GLE1: variants seen among roughly 807,000 people sequenced by gnomAD.
GLE1 encodes GLE1 RNA export mediator.
In GLE1, 78 loss-of-function variants were observed where a neutral mutation model predicts 97.3. The ratio of observed to expected loss-of-function variants is 0.80; its 90% CI spans 0.67 to 0.97. The LOEUF is 0.97. Ranked by LOEUF, GLE1 falls within the 50% of genes least tolerant of loss-of-function variation. GLE1 has a pLI of 0.00. For synonymous variants in GLE1, 302 were observed against 313.4 expected (o/e 0.96, Z 0.39); for missense variants, 753 against 857.5 (o/e 0.88, Z 1.52).
chr9:128,529,478 T>C (rs1446487146), intron 9 of GLE1, among the ~76,000 whole-genome samples: 1 of 152,188 alleles, frequency 6.6e-6, no homozygotes, highest in Non-Finnish European at 1.5e-5. Context: ...CTCCTTTTTA[T>C]AGGCTCCTCT....
In GLE1 at chr9:128,522,838, C is replaced by T. The variant is rs926901636; in HGVS notation, c.581+22C>T. On this transcript the variant is annotated intron_variant, in intron 4 of 15. Coordinates refer to ENST00000309971, the MANE Select transcript of GLE1 (RefSeq NM_001003722.2). ...AGAGGTGAGTCTCCCTGAATTATGACTGGGAATGTTGATGTGTTCAACTGG... is the reference window on the plus strand; with the variant it reads ...AGAGGTGAGTCTCCCTGAATTATGATTGGGAATGTTGATGTGTTCAACTGG... 8.7e-6 allele frequency: 14 copies of T among 1,612,842 alleles called. No individual in the cohort carries two copies. The Admixed American group carries it at 1.8e-4, about 21-fold the overall frequency.
chr9:128,533,427 C>CAA (rs5900802), intron 9 of GLE1, 86 bp from the exon 10 acceptor site: 324 of 452,922 alleles, frequency 7.2e-4, no homozygotes, highest in Non-Finnish European at 8.5e-4. Context: ...GATACTGTCT[C>CAA]AAAAAAAAAA....
chr9:128,527,010 G>C (rs970755391), intron 7 of GLE1, among the ~76,000 whole-genome samples, 169 bp from the exon 8 acceptor site: 1 of 152,100 alleles, frequency 6.6e-6, no homozygotes, highest in Admixed American at 6.6e-5. Flanking sequence ...TAACCTTTTT[G>C]TGCCTGTTTC....
In GLE1 at chr9:128,525,501, T is replaced by A; in HGVS notation, c.1129+78T>A. ...AGAAACAAGAGCATGTTTTGAATGT[T>A]GTGTTAAACTGTAGGACAGTTAACC... On this transcript the variant is annotated intron_variant, in intron 7 of 15. Coordinates refer to ENST00000309971, the MANE Select transcript of GLE1 (RefSeq NM_001003722.2). 4 of 944,136 alleles carry A rather than the reference T, an allele frequency of 4.2e-6. No individual in the cohort carries two copies. In the South Asian group the frequency reaches 5.6e-5, roughly 13 times the overall value. 58.5% of individuals were successfully genotyped at this position (944,136 alleles called of 1,614,324 possible).
rs775556642 is a variant in GLE1, at chr9:128,533,622, C to A, written c.1422C>A (p.Asp474Glu). ...TCACACTTAACCCACAGGGGCTGGA[C>A]TTTGTTCAATACAAACTGGCAGAGA... ...VSVTLNPQGL[D>E]FVQYKLAEKF... The change falls in exon 10 of 16, where the codon GAC becomes GAA. Residue 474 changes from aspartate to glutamate, a missense_variant. Transcript: ENST00000309971. 1.1e-5 allele frequency: 17 copies of A among 1,613,992 alleles called. No homozygotes were observed. The highest frequency in any genetic ancestry group is 2.2e-5 in the South Asian group (2 of 91,090).
At position 128,504,842 on chromosome 9, in the gene GLE1, G is replaced by A; in HGVS notation, c.37G>A (p.Ala13Thr). 2 of 1,613,540 alleles carry A rather than the reference G, an allele frequency of 1.2e-6. No homozygotes were observed. Among genetic ancestry groups the A allele is most frequent in the Non-Finnish European group, 1.7e-6 (2 of 1,179,450 alleles). The part of the protein sequence containing the change: ...SEGRCWETLK[A>T]LRSSDKGRLC... Reference sequence around the variant, plus strand: ...GGGTCGCTGCTGGGAGACCTTGAAGGCCCTACGCAGTTCCGACAAAGGTCG... The same window carrying A: ...GGGTCGCTGCTGGGAGACCTTGAAGACCCTACGCAGTTCCGACAAAGGTCG... The change falls in exon 1 of 16, where the codon GCC (alanine) becomes ACC (threonine). Residue 13 changes from alanine (A) to threonine (T), a missense_variant. Ala to Thr is a moderately conservative substitution (Grantham distance 58). Coordinates refer to ENST00000309971, the MANE Select transcript of GLE1 (RefSeq NM_001003722.2).
chr9:128,540,155 T>G, intron 14 of GLE1, 120 bp from the exon 15 acceptor site: 1 of 756,252 alleles, frequency 1.3e-6, no homozygotes, highest in South Asian at 1.4e-5. Context: ...GTTCAAGGCC[T>G]CGGTGAGCTA....
intron 2 of GLE1, among the ~76,000 whole-genome samples, chr9:128,511,999 G>A (rs1589044529): frequency 1.3e-5 from 2 of 152,048 alleles, no homozygotes; most frequent in South Asian, 4.1e-4. Flanking sequence ...TTTAGTAGAC[G>A]GGGTTTCACC....
At position 128,533,871 on chromosome 9, in the gene GLE1, T is replaced by G. The variant is rs754796237; in HGVS notation, c.1566T>G (p.Ala522=). Reference sequence around the variant, plus strand: ...CCAGAGTGGGGGACCTCATTCTTGCTCATCTACATAAGAAGTGTCCTTACT... The same window carrying G: ...CCAGAGTGGGGGACCTCATTCTTGCGCATCTACATAAGAAGTGTCCTTACT... ...LHPRVGDLIL[A]HLHKKCPYSV... is the part of the protein sequence containing the mutation. The change falls in exon 11 of 16, where the codon GCT becomes GCG. Residue 522 remains alanine (A), a synonymous_variant. Transcript: ENST00000309971. The G allele has an allele frequency of 7.4e-6, 12 of 1,613,036 alleles. No individual in the cohort carries two copies. In the East Asian group the frequency reaches 2.2e-4, roughly 30 times the overall value.
At chr9:128,537,745 G>A (rs1455293735) in intron 12 of GLE1, among the ~76,000 whole-genome samples, 1 of 152,184 alleles carries the variant, frequency 6.6e-6, no homozygotes, top group African/African-American at 2.4e-5. Flanking sequence ...AGGAGGTGAA[G>A]GCTGCAGTGA....
In GLE1 at chr9:128,533,507, G is replaced by A. The variant is rs762931883; in HGVS notation, c.1313-6G>A. The A allele has an allele frequency of 6.2e-7, 1 of 1,603,374 alleles. No homozygotes were observed. Among genetic ancestry groups the A allele is most frequent in the Non-Finnish European group, 8.5e-7 (1 of 1,172,002 alleles). On this transcript the variant is annotated splice_region_variant and splice_polypyrimidine_tract_variant and intron_variant, in intron 9 of 15. Transcript: ENST00000309971. ...ATATCTTTTAATTTCTCTCTATCATGCTCAGGCTCAAAACTGAAGGAGATC... is the reference window on the plus strand; with the variant it reads ...ATATCTTTTAATTTCTCTCTATCATACTCAGGCTCAAAACTGAAGGAGATC...
At position 128,540,308 on chromosome 9, in the gene GLE1, C is replaced by T. The variant is rs2132542125; in HGVS notation, c.1998C>T (p.Gly666=). The change falls in exon 15 of 16, where the codon GGC becomes GGT. Residue 666 remains glycine, a synonymous_variant. Coordinates refer to ENST00000309971, the MANE Select transcript of GLE1 (RefSeq NM_001003722.2). ...IEAITSSGQM[G]SFIRLKQFLE... ...CTATCACAAGCTCAGGACAGATGGG[C>T]TCCTTCATACGCCTCAAGCAGTTCT... 3 of 1,609,984 alleles carry T rather than the reference C, an allele frequency of 1.9e-6. No homozygotes were observed. Among genetic ancestry groups the T allele is most frequent in the Admixed American group, 1.7e-5 (1 of 59,976 alleles).
intron 3 of GLE1, among the ~76,000 whole-genome samples, chr9:128,516,105 C>T (rs544052791): frequency 4.6e-5 from 7 of 150,692 alleles, no homozygotes; most frequent in Admixed American, 6.6e-5. Context: ...TACAGGCTCG[C>T]GCCACCACAC....
At position 128,509,780 on chromosome 9, in the gene GLE1, G is replaced by A. The variant is rs544223092; in HGVS notation, c.321+683G>A. Among the ~76,000 whole-genome samples the A allele has an allele frequency of 2.0e-5, 3 of 151,922 alleles. No homozygotes were observed. In the East Asian group the frequency reaches 5.8e-4, roughly 30 times the overall value. ...TCAAGACCAGCCTGGGCAACATAGT[G>A]AGACCTTGTCTCTCCAAAATACTTA... On this transcript the variant is annotated intron_variant, in intron 2 of 15. Coordinates refer to ENST00000309971, the MANE Select transcript of GLE1 (RefSeq NM_001003722.2).
intron 13 of GLE1, among the ~76,000 whole-genome samples, chr9:128,539,087 A>C (rs1847812500): frequency 6.6e-6 from 1 of 152,102 alleles, no homozygotes; most frequent in Non-Finnish European, 1.5e-5. Context: ...CCAAAAAAAT[A>C]CAAAAATTAG....
chr9:128,526,346 G>A (rs1366851101), intron 7 of GLE1, among the ~76,000 whole-genome samples: 1 of 150,254 alleles, frequency 6.7e-6, no homozygotes, highest in African/African-American at 2.4e-5. Context: ...CTTTTTTGGT[G>A]TGTTTTGTTT....
chr9:128,504,706 G>A, upstream of GLE1: 13 of 841,836 alleles, frequency 1.5e-5, no homozygotes, highest in Non-Finnish European at 1.6e-5. Flanking sequence ...TGCTGCGCGC[G>A]CGTCCCGGAA....
chr9:128,531,605 A>G (rs990904521), intron 9 of GLE1, among the ~76,000 whole-genome samples: 1 of 151,434 alleles, frequency 6.6e-6, no homozygotes, highest in African/African-American at 2.4e-5. Context: ...GATGAGGCAG[A>G]CAGATCACTT....
chr9:128,539,495 G>A lies in GLE1; in HGVS notation c.1882-121G>A, dbSNP rs369681337. The A allele has an allele frequency of 5.2e-4, 403 of 782,456 alleles. 1 individual carries two copies. The South Asian group carries it at 5.6e-3, about 11-fold the overall frequency. The allele number at this position is 782,456 out of a possible 1,614,324, so 48.5% of individuals were successfully genotyped here. On this transcript the variant is annotated intron_variant, in intron 13 of 15. Transcript: ENST00000309971. ...TTATTCCCTTGTTAGCAAGTTCAGT[G>A]GCATTGTGGTTGAAATTTTTGATAG...
Sources: allele counts gnomAD v4.1 joint callset (sites outside exome capture counted in the v4.1 genomes callset), GRCh38; gene constraint gnomAD v4.1.1; transcripts MANE v1.5; gene names NCBI Gene and HGNC (gene_info 2026-07-23, HGNC 2026-07-21).